SMARCA4: variants seen among roughly 807,000 people sequenced by gnomAD.
SMARCA4 encodes the protein SWI/SNF related BAF chromatin remodeling complex subunit ATPase 4, also known as SWI/SNF-related matrix-associated actin-dependent regulator of chromatin subfamily A member 4.
SMARCA4 carries 31 observed loss-of-function variants against 193.9 expected under a neutral mutation model. The ratio of observed to expected loss-of-function variants is 0.16; its 90% CI spans 0.12 to 0.22. The LOEUF (loss-of-function observed/expected upper bound fraction) is 0.22, where lower values mean the gene tolerates loss of function less well. Among genes scored for constraint, SMARCA4 ranks in the 10% least tolerant of loss-of-function variants. The pLI is 1.00. For missense variants in SMARCA4, 1,148 were observed against 2,296.0 expected (o/e 0.50, Z 10.22); for synonymous variants, 942 against 933.1 (o/e 1.01, Z -0.17).
At position 11,019,357 on chromosome 19, in the gene SMARCA4, TCAGGCCC is replaced by T. The variant is rs1433073968; in HGVS notation, c.2506-232_2506-226del. Reference sequence around the variant, plus strand: ...TGGCGGTGCAGGCTGCGTGGTTCCCTCAGGCCCCGGCCGCCGCTGGCCTGCACTGCTT... The same window carrying T: ...TGGCGGTGCAGGCTGCGTGGTTCCCTCGGCCGCCGCTGGCCTGCACTGCTT... On this transcript the variant is annotated intron_variant, in intron 17 of 34. Transcript: ENST00000344626. The surrounding 1 kb of genome is among the most constrained non-coding windows in gnomAD (Gnocchi z 6.1). 4.8e-5 allele frequency: 29 copies of T among 606,450 alleles called. No homozygotes were observed. Among genetic ancestry groups the T allele is most frequent in the Non-Finnish European group, 7.9e-5 (27 of 339,872 alleles). The allele number at this position is 606,450 out of a possible 1,614,324, so 37.6% of individuals were successfully genotyped here.
intron 12 of SMARCA4, 35 bp downstream of exon 12, chr19:11,003,194 A>C (rs2146101360): frequency 6.2e-7 from 1 of 1,613,678 alleles, no homozygotes; most frequent in Non-Finnish European, 8.5e-7. Flanking sequence ...TGCAGTGGGG[A>C]TCCAAGTCCT....
chr19:11,003,321 G>T lies in SMARCA4; in HGVS notation c.1944-19G>T, dbSNP rs74942410. On this transcript the variant is annotated intron_variant, in intron 12 of 34. Transcript: ENST00000344626. ...TGGCTCTGAGCAGATTTGTATGAAA[G>T]CCCTTACATTTTTTCTAGGTATGAA... 107,123 of 1,611,630 alleles carry T rather than the reference G, an allele frequency of 0.066. 3,990 individuals carry two copies. The highest frequency in any genetic ancestry group is 0.11 in the South Asian group (10,042 of 91,036).
intron 23 of SMARCA4, among the ~76,000 whole-genome samples, chr19:11,027,096 G>A (rs1396998638): frequency 6.6e-6 from 1 of 152,226 alleles, no homozygotes; most frequent in East Asian, 1.9e-4. Context: ...CTTGCTAAAA[G>A]CATTCTTCCA....
chr19:10,996,435 C>A (rs2145977114), intron 10 of SMARCA4, 55 bp downstream of exon 10: 1 of 1,613,478 alleles, frequency 6.2e-7, no homozygotes, highest in East Asian at 2.2e-5. Flanking sequence ...CAGCCGTCTT[C>A]ACGTGTGTGG....
At position 10,972,706 on chromosome 19, in the gene SMARCA4, C is replaced by T. The variant is rs940782176; in HGVS notation, c.-31-11415C>T. Among the ~76,000 whole-genome samples, 9 of 152,310 alleles carry T rather than the reference C, an allele frequency of 5.9e-5. No homozygotes were observed. In the South Asian group the frequency reaches 1.0e-3, roughly 18 times the overall value. Reference sequence around the variant, plus strand: ...CCTCTGTTGTGGGGACTCCTCTTGCCGTCTCCACACAGTGTCACTCCTCAC... The same window carrying T: ...CCTCTGTTGTGGGGACTCCTCTTGCTGTCTCCACACAGTGTCACTCCTCAC... On this transcript the variant is annotated intron_variant, in intron 1 of 34. Transcript: ENST00000344626.
rs377263433 is a variant in SMARCA4, at chr19:10,989,705, C to CT, written c.1245+277dup. Among the ~76,000 whole-genome samples the CT allele has an allele frequency of 0.26, 37,635 of 142,088 alleles. 4,941 individuals are homozygous for CT. Among genetic ancestry groups the CT allele is most frequent in the South Asian group, 0.37 (1,647 of 4,472 alleles). 93.2% of individuals were successfully genotyped at this position (142,088 alleles called of 152,430 possible). A position where few individuals can be genotyped will look rare whatever the true frequency, so the allele number is the denominator to read the frequency against. ...GGCTTCTTTCTTCCTTTCCCTTTCCCTTTTTTTTTTTTTTTGGAAACAGTC... is the reference window on the plus strand; with the variant it reads ...GGCTTCTTTCTTCCTTTCCCTTTCCCTTTTTTTTTTTTTTTTGGAAACAGTC... On this transcript the variant is annotated intron_variant, in intron 7 of 34. Transcript: ENST00000344626.
chr19:11,039,800 C>T (rs541088343), intron 29 of SMARCA4: 3 of 291,256 alleles, frequency 1.0e-5, no homozygotes, highest in South Asian at 1.3e-4. Context: ...ATTTAAAAAT[C>T]GGCTGGGCGC....
chr19:10,969,762 C>T (rs559630644), intron 1 of SMARCA4, among the ~76,000 whole-genome samples: 4 of 152,270 alleles, frequency 2.6e-5, no homozygotes, highest in East Asian at 3.9e-4. Context: ...ACGTCCCAGC[C>T]GAGACCCTGG....
Position 10,984,098 on chromosome 19 carries a change from G to T in SMARCA4, c.-31-23G>T, listed in dbSNP as rs192054254. On this transcript the variant is annotated intron_variant, in intron 1 of 34. Coordinates refer to ENST00000344626, the MANE Select transcript of SMARCA4 (RefSeq NM_003072.5). This position sits in a 1 kb window ranked among gnomAD's most constrained non-coding sequence, Gnocchi z 4.3. ...GCCTCGCCCTTGGTCATGAACCCCA[G>T]ACTGACCAGGACTGTCTTCCAGCAG... 2 of 1,610,546 alleles carry T rather than the reference G, an allele frequency of 1.2e-6. No homozygotes were observed. The highest frequency in any genetic ancestry group is 1.3e-5 in the African/African-American group (1 of 74,956).
chr19:11,041,528 G>T lies in SMARCA4; in HGVS notation c.4392G>T (p.Lys1464Asn), dbSNP rs1600469159. 6.2e-7 allele frequency: 1 copy of T among 1,613,732 alleles called. No homozygotes were observed. Reference protein sequence around the residue: ...NPPNLTKKMKKIVDAVIKYKD... With the variant: ...NPPNLTKKMKNIVDAVIKYKD... ...CCAACCTCACCAAGAAGATGAAGAA[G>T]ATTGTGGATGCCGTGATCAAGTACA... The change falls in exon 30 of 35, where the codon AAG becomes AAT. Residue 1464 changes from lysine to asparagine, a missense_variant. Around this residue, in one of 17 missense-constraint regions of SMARCA4, gnomAD observed 141 missense variants for 193.0 expected, o/e 0.73. Transcript: ENST00000344626. The surrounding 1 kb of genome is among the most constrained non-coding windows in gnomAD (Gnocchi z 5.6).
At chr19:11,027,031 T>C (rs2146528540) in intron 23 of SMARCA4, among the ~76,000 whole-genome samples, 1 of 152,304 alleles carries the variant, frequency 6.6e-6, no homozygotes, top group East Asian at 1.9e-4. Flanking sequence ...CCAGACTCCT[T>C]TAAGCCCCTA....
intron 30 of SMARCA4, among the ~76,000 whole-genome samples, chr19:11,045,452 A>T (rs1805385232): frequency 6.6e-6 from 1 of 152,176 alleles, no homozygotes; most frequent in Non-Finnish European, 1.5e-5. Context: ...GCCTTCTAGG[A>T]TACTGGGGAT....
intron 16 of SMARCA4, among the ~76,000 whole-genome samples, chr19:11,016,952 G>C (rs975029930): frequency 2.0e-5 from 3 of 151,994 alleles, no homozygotes; most frequent in Non-Finnish European, 4.4e-5. Flanking sequence ...GAATGGTTTT[G>C]GGAACCAAGA....
rs144841907 is a variant in SMARCA4 at position 11,021,916 on chromosome 19, C to T, written c.2808C>T (p.Cys936=). ...TGCTGCCCACCATCTTCAAGAGCTG[C>T]AGCACCTTCGAGCAGTGGTTTAACG... is the stretch of plus-strand genomic sequence containing the variant. The part of the protein sequence containing the change: ...NFLLPTIFKS[C]STFEQWFNAP... Residue 936 remains cysteine, a synonymous_variant, in exon 19 of 35, where the codon TGC becomes TGT. Coordinates refer to ENST00000344626, the MANE Select transcript of SMARCA4 (RefSeq NM_003072.5). 12 of 1,613,574 alleles carry T rather than the reference C, an allele frequency of 7.4e-6. No homozygotes were observed. The African/African-American group carries it at 1.5e-4, about 20-fold the overall frequency.
intron 7 of SMARCA4, 45 bp from the exon 8 acceptor site, chr19:10,991,105 C>T (rs2145876048): frequency 6.2e-7 from 1 of 1,609,960 alleles, no homozygotes; most frequent in Non-Finnish European, 8.5e-7. Context: ...TTGTGGATGC[C>T]ACAGAGCTGT....
In SMARCA4 at chr19:11,035,165, G is replaced by A. The variant is rs373756303; in HGVS notation, c.4170+33G>A. 9.4e-6 allele frequency: 15 copies of A among 1,590,178 alleles called. No individual in the cohort carries two copies. The African/African-American group carries it at 1.7e-4, about 19-fold the overall frequency. ...CTGGAGAGGCCCAGCAGCTGCCGCAGGCCAGCGCCAGGCAGGGCTGGGGAG... is the reference window on the plus strand; with the variant it reads ...CTGGAGAGGCCCAGCAGCTGCCGCAAGCCAGCGCCAGGCAGGGCTGGGGAG... On this transcript the variant is annotated intron_variant, in intron 29 of 34. Coordinates refer to ENST00000344626, the MANE Select transcript of SMARCA4 (RefSeq NM_003072.5).
intron 13 of SMARCA4, among the ~76,000 whole-genome samples, chr19:11,004,167 C>T (rs2087943883): frequency 6.6e-6 from 1 of 152,116 alleles, no homozygotes; most frequent in Non-Finnish European, 1.5e-5. Flanking sequence ...CAGGCACCTG[C>T]CACCATGCCT....
chr19:11,050,392 G>A (rs941426502), intron 30 of SMARCA4, among the ~76,000 whole-genome samples: 1 of 152,186 alleles, frequency 6.6e-6, no homozygotes, highest in African/African-American at 2.4e-5. Context: ...CTCCACACCT[G>A]TCTCTGTGCC....
In SMARCA4 at chr19:10,984,745, C is replaced by T. The variant is rs1401868972; in HGVS notation, c.222+372C>T. 1.3e-5 allele frequency among the ~76,000 whole-genome samples: 2 copies of T among 152,252 alleles called. No individual in the cohort carries two copies. The highest frequency in any genetic ancestry group is 6.5e-5 in the Admixed American group (1 of 15,290). On this transcript the variant is annotated intron_variant, in intron 2 of 34. Coordinates refer to ENST00000344626, the MANE Select transcript of SMARCA4 (RefSeq NM_003072.5). This position sits in a 1 kb window ranked among gnomAD's most constrained non-coding sequence, Gnocchi z 4.3. ...TCCCCCGTTCTGGCTGTCAGGCTCA[C>T]CTGTGCAGCTCGCAGAGCCGAGCAG...
Sources: gnomAD v4.1 joint callset for allele counts (sites outside exome capture counted in the v4.1 genomes callset) on GRCh38, gnomAD v4.1.1 for gene constraint, gnomAD v4.1.1 regional missense constraint, Gnocchi (gnomAD v3.1) non-coding constraint, MANE v1.5 for transcripts, NCBI Gene and HGNC (gene_info 2026-07-23, HGNC 2026-07-21) for gene names.